The following SEMA5B variants were observed in gnomAD, a reference collection of about 807,000 sequenced individuals.
The protein encoded by SEMA5B is semaphorin-5B.
SEMA5B carries 66 observed loss-of-function variants against 135.0 expected under a neutral mutation model. The observed-to-expected ratio is 0.49, with a 90% CI of 0.40 to 0.60. The LOEUF is 0.60. Ranked by LOEUF, SEMA5B falls within the 20% of genes least tolerant of loss-of-function variation. The probability of loss-of-function intolerance (pLI) is 0.00; values close to 1 mark genes in which losing one functional copy is unlikely to be tolerated. For missense variants in SEMA5B, 1,501 were observed against 1,566.3 expected, an observed-to-expected ratio of 0.96 and a Z score of 0.70; for synonymous variants, 690 against 639.5, an observed-to-expected ratio of 1.08 and a Z score of -1.19.
chr3:123,000,832 A>C (rs1199595907), intron 1 of SEMA5B, among the ~76,000 whole-genome samples: 2 of 152,222 alleles, frequency 1.3e-5, no homozygotes, highest in African/African-American at 4.8e-5. Context: ...AGGGTACCCC[A>C]GTCACCTGGA....
At position 122,922,065 on chromosome 3, in the gene SEMA5B, T is replaced by C; in HGVS notation, c.1538A>G (p.Tyr513Cys). ...STASRSLHGC[Y>C]LEELHVLPPG... ...GGGCAGCACGTGCAGCTCCTCCAGG[T>C]AGCAGCCGTGGAGGCTGCGGCTCGC... The change falls in exon 12 of 23, where the codon TAC becomes TGC. Residue 513 changes from tyrosine to cysteine, a missense_variant. Coordinates refer to ENST00000357599, the MANE Select transcript of SEMA5B (RefSeq NM_001031702.4). 6.7e-7 allele frequency: 1 copy of C among 1,496,404 alleles called. No homozygotes were observed. The allele number at this position is 1,496,404 out of a possible 1,614,324, so 92.7% of individuals were successfully genotyped here.
Position 122,921,937 on chromosome 3 carries a change from A to C in SEMA5B, c.1666T>G (p.Cys556Gly), listed in dbSNP as rs1576335614. ...DGVLRVPLER[C>G]AAYRSQGACL... ...TACCCCTGGCTGCGGTAGGCGGCGC[A>C]CCTCTCCAGTGGGACCCGCAGGACG... Residue 556 changes from cysteine to glycine, a missense_variant, in exon 12 of 23, where the codon TGC (cysteine) becomes GGC (glycine). Transcript: ENST00000357599. 2 of 1,534,384 alleles carry C rather than the reference A, an allele frequency of 1.3e-6. No homozygotes were observed. Among genetic ancestry groups the C allele is most frequent in the East Asian group, 2.5e-5 (1 of 40,650 alleles).
intron 1 of SEMA5B, among the ~76,000 whole-genome samples, chr3:122,985,518 AAGAAAAATG>A (rs1941670977): frequency 2.0e-5 from 3 of 152,068 alleles, no homozygotes; most frequent in South Asian, 2.1e-4. Flanking sequence ...AAGAAAGAAA[AAGAAAAATG>A]AGAAAAATGT....
At chr3:122,985,877 A>C (rs1468920027) in intron 1 of SEMA5B, among the ~76,000 whole-genome samples, 1 of 152,226 alleles carries the variant, frequency 6.6e-6, no homozygotes, top group Non-Finnish European at 1.5e-5. Context: ...GAAATAAATT[A>C]ACATGTGAAA....
intron 1 of SEMA5B, among the ~76,000 whole-genome samples, chr3:122,968,448 G>C (rs3936189): frequency 0.19 from 29,139 of 152,156 alleles, 3,272 homozygotes; most frequent in African/African-American, 0.32. Flanking sequence ...TCGCCTTGGG[G>C]GTGACCTAGT....
chr3:122,991,989 C>T (rs951003931), intron 1 of SEMA5B, among the ~76,000 whole-genome samples: 4 of 152,186 alleles, frequency 2.6e-5, no homozygotes, highest in Non-Finnish European at 1.5e-5. Context: ...AAGCATGTGG[C>T]GACCTCCTAG....
At chr3:122,913,135 C>T in intron 17 of SEMA5B, 64 bp downstream of exon 17, 1 of 1,423,762 alleles carries the variant, frequency 7.0e-7, no homozygotes. Context: ...CCGGGGCTCC[C>T]GCCCCCGCCC....
At position 122,948,589 on chromosome 3, in the gene SEMA5B, G is replaced by GAGA; in HGVS notation, c.242_244dup (p.Leu81_Ser82insPhe). The GAGA allele has an allele frequency of 6.2e-7, 1 of 1,614,050 alleles. No homozygotes were observed. Among genetic ancestry groups the GAGA allele is most frequent in the Non-Finnish European group, 8.5e-7 (1 of 1,179,958 alleles). On this transcript the variant is annotated inframe_insertion, in exon 3 of 23. Coordinates refer to ENST00000357599, the MANE Select transcript of SEMA5B (RefSeq NM_001031702.4). ...CTCACTGGAGACATCCTGGGAGCTG[G>GAGA]AGAGGTGGGACACCAGCAGTGTGAG...
intron 1 of SEMA5B, among the ~76,000 whole-genome samples, chr3:123,016,749 A>T (rs1282209837): frequency 1.3e-5 from 2 of 151,394 alleles, no homozygotes; most frequent in Non-Finnish European, 2.9e-5. Flanking sequence ...TAATTTAAAA[A>T]ACCCTTTTTT....
At chr3:122,923,473 C>G (rs1242482859) in intron 10 of SEMA5B, 144 bp downstream of exon 10, 13 of 884,590 alleles carry the variant, frequency 1.5e-5, no homozygotes, top group Non-Finnish European at 2.1e-5. Flanking sequence ...CTCAGGGAAC[C>G]ATTGTGGACC....
At chr3:122,959,248 C>T (rs1318255692) in intron 2 of SEMA5B, among the ~76,000 whole-genome samples, 1 of 152,156 alleles carries the variant, frequency 6.6e-6, no homozygotes, top group Non-Finnish European at 1.5e-5. Context: ...GTATTGTAAT[C>T]GTCGCCATTT....
At chr3:122,916,990 T>C (rs550182307) in intron 12 of SEMA5B, among the ~76,000 whole-genome samples, 2 of 152,350 alleles carry the variant, frequency 1.3e-5, no homozygotes, top group Non-Finnish European at 2.9e-5. Flanking sequence ...GATGTCTTCA[T>C]GTAATTTTTT....
intron 1 of SEMA5B, among the ~76,000 whole-genome samples, chr3:122,974,677 G>T (rs1242219341): frequency 2.0e-5 from 3 of 152,070 alleles, no homozygotes; most frequent in Admixed American, 6.5e-5. Flanking sequence ...GGGGAGGGGG[G>T]TCTTTAAGAG....
chr3:122,960,372 T>C (rs1940521414), intron 2 of SEMA5B, among the ~76,000 whole-genome samples: 1 of 152,176 alleles, frequency 6.6e-6, no homozygotes, highest in Non-Finnish European at 1.5e-5. Flanking sequence ...AATGAGTTGG[T>C]GGGAATGTAA....
At position 122,918,859 on chromosome 3, in the gene SEMA5B, G is replaced by A. The variant is rs1938203920; in HGVS notation, c.1689-2969C>T. On this transcript the variant is annotated intron_variant, in intron 12 of 22. Transcript: ENST00000357599. Reference sequence around the variant, plus strand: ...CAAAGGCCACTTCAAAGCTTACAGAGCAGGGAACACTCTTAAGAAAAATGA... The same window carrying A: ...CAAAGGCCACTTCAAAGCTTACAGAACAGGGAACACTCTTAAGAAAAATGA... 2.0e-5 allele frequency among the ~76,000 whole-genome samples: 3 copies of A among 152,190 alleles called. No homozygotes were observed. In the South Asian group the frequency reaches 6.2e-4, roughly 31 times the overall value.
At position 122,966,998 on chromosome 3, in the gene SEMA5B, C is replaced by T. The variant is rs1040186251; in HGVS notation, c.-38-5697G>A. 2.4e-4 allele frequency among the ~76,000 whole-genome samples: 37 copies of T among 151,690 alleles called. 1 individual carries two copies. Among genetic ancestry groups the T allele is most frequent in the Non-Finnish European group, 8.8e-5 (6 of 67,976 alleles). ...CTCCTGGGTTCAAGCGATTCTCCTG[C>T]CTCAGCCTCCTGAGTAGCTGGGATT... is the stretch of plus-strand genomic sequence containing the variant. On this transcript the variant is annotated intron_variant, in intron 1 of 22. Transcript: ENST00000357599.
At chr3:122,981,850 C>A (rs928279763) in intron 1 of SEMA5B, among the ~76,000 whole-genome samples, 1 of 152,190 alleles carries the variant, frequency 6.6e-6, no homozygotes, top group African/African-American at 2.4e-5. Context: ...GTTTGGGAGG[C>A]AACCAGGATC....
At chr3:123,008,514 G>A (rs1942362572) in intron 1 of SEMA5B, among the ~76,000 whole-genome samples, 1 of 152,148 alleles carries the variant, frequency 6.6e-6, no homozygotes, top group Admixed American at 6.5e-5. Context: ...GGGTGGGTGG[G>A]ATCTGAATGG....
chr3:123,010,777 T>C (rs1942420637), intron 1 of SEMA5B, among the ~76,000 whole-genome samples: 1 of 139,642 alleles, frequency 7.2e-6, no homozygotes, highest in Admixed American at 7.8e-5. Flanking sequence ...GCCACTGCAC[T>C]CTGGCCTGGT....
Sources: allele counts gnomAD v4.1 joint callset (sites outside exome capture counted in the v4.1 genomes callset), GRCh38; gene constraint gnomAD v4.1.1; transcripts MANE v1.5; gene names NCBI Gene and HGNC (gene_info 2026-07-23, HGNC 2026-07-21).